ALKBH1: variants seen among roughly 807,000 people sequenced by gnomAD.
ALKBH1 encodes the protein alkB homolog 1, histone H2A dioxygenase, also known as nucleic acid dioxygenase ALKBH1.
ALKBH1 carries 31 observed loss-of-function variants against 36.6 expected under a neutral mutation model. The ratio of observed to expected loss-of-function variants is 0.85; its 90% CI spans 0.64 to 1.14. The LOEUF (loss-of-function observed/expected upper bound fraction) is 1.14. ALKBH1 is among the 50% of genes most tolerant of loss of function. The pLI is 0.00. For synonymous variants in ALKBH1, 183 were observed against 186.6 expected, an observed-to-expected ratio of 0.98 and a Z score of 0.16; for missense variants, 490 against 497.3, an observed-to-expected ratio of 0.99 and a Z score of 0.14.
At chr14:77,680,525 A>C (rs980881521) in intron 3 of ALKBH1, among the ~76,000 whole-genome samples, 2 of 152,168 alleles carry the variant, frequency 1.3e-5, no homozygotes, top group Non-Finnish European at 2.9e-5. Flanking sequence ...CATAGCTTAG[A>C]TAACTGAGGC....
intron 3 of ALKBH1, chr14:77,683,823 C>T (rs2080252527): frequency 5.9e-6 from 1 of 170,330 alleles, no homozygotes; most frequent in South Asian, 1.6e-4. Flanking sequence ...CCAAACGCCT[C>T]AGCCTCCCAA....
chr14:77,695,833 G>A (rs1363006674), intron 2 of ALKBH1, among the ~76,000 whole-genome samples: 4 of 152,050 alleles, frequency 2.6e-5, no homozygotes, highest in East Asian at 1.9e-4. Flanking sequence ...GGTGGCTCTC[G>A]CCTGTAATCC....
chr14:77,675,737 T>C lies in ALKBH1; in HGVS notation c.659A>G (p.Asn220Ser), dbSNP rs1311611521. ...CAGTGTGGAGTCCAGGCGGTAGTAA[T>C]TCAGGATCCCTGCTTCAGCTCGGAA... The part of the protein sequence containing the change: ...EDFRAEAGIL[N>S]YYRLDSTLGI... Residue 220 changes from asparagine (N) to serine (S), a missense_variant, in exon 5 of 6, where the codon AAT becomes AGT. Physicochemically the swap from Asn to Ser is conservative, Grantham distance 46. Coordinates refer to ENST00000216489, the MANE Select transcript of ALKBH1 (RefSeq NM_006020.3). 6.2e-7 allele frequency: 1 copy of C among 1,614,154 alleles called. No homozygotes were observed. The highest frequency in any genetic ancestry group is 8.5e-7 in the Non-Finnish European group (1 of 1,180,032).
chr14:77,677,709 T>C (rs2080213482), intron 4 of ALKBH1, among the ~76,000 whole-genome samples: 1 of 152,162 alleles, frequency 6.6e-6, no homozygotes, highest in South Asian at 2.1e-4. Flanking sequence ...ACTTTTCTGT[T>C]TTTCATTTTT....
Position 77,703,507 on chromosome 14 carries a change from G to A in ALKBH1, c.292+862C>T, listed in dbSNP as rs183153709. 1.9e-3 allele frequency among the ~76,000 whole-genome samples: 295 copies of A among 151,738 alleles called. 2 individuals carry two copies. The highest frequency in any genetic ancestry group is 0.018 in the Admixed American group (273 of 15,246). On this transcript the variant is annotated intron_variant, in intron 2 of 5. Coordinates refer to ENST00000216489, the MANE Select transcript of ALKBH1 (RefSeq NM_006020.3). Reference sequence around the variant, plus strand: ...AGATGGGGTTTCACCTTGTTAGCCAGGATGGTCTCAATCTCCTGACCTCGT... The same window carrying A: ...AGATGGGGTTTCACCTTGTTAGCCAAGATGGTCTCAATCTCCTGACCTCGT...
rs148071766 is a variant in ALKBH1, at chr14:77,679,109, G to A, written c.546+771C>T. Reference sequence around the variant, plus strand: ...TTGGATTACAGGAGTGAGCCACCGCGTGTGATCGGTATCCATATGTTGAAA... The same window carrying A: ...TTGGATTACAGGAGTGAGCCACCGCATGTGATCGGTATCCATATGTTGAAA... On this transcript the variant is annotated intron_variant, in intron 4 of 5. Transcript: ENST00000216489. Among the ~76,000 whole-genome samples the A allele has an allele frequency of 8.2e-3, 1,242 of 152,134 alleles. 20 individuals carry two copies. Among genetic ancestry groups the A allele is most frequent in the African/African-American group, 0.029 (1,185 of 41,494 alleles).
chr14:77,693,400 C>T (rs1181108739), intron 3 of ALKBH1, among the ~76,000 whole-genome samples: 1 of 152,008 alleles, frequency 6.6e-6, no homozygotes, highest in Non-Finnish European at 1.5e-5. Context: ...AACTAAAGTA[C>T]AAATTTCTTG....
chr14:77,686,289 G>A (rs1266472587), intron 3 of ALKBH1, among the ~76,000 whole-genome samples: 1 of 152,184 alleles, frequency 6.6e-6, no homozygotes, highest in Non-Finnish European at 1.5e-5. Flanking sequence ...GGGGTGGGTT[G>A]TTCTCTTTTT....
chr14:77,700,288 GC>G (rs2080352430), intron 2 of ALKBH1, among the ~76,000 whole-genome samples: 1 of 152,156 alleles, frequency 6.6e-6, no homozygotes, highest in East Asian at 1.9e-4. Flanking sequence ...CTAGATTCTT[GC>G]AGATATAGAA....
rs562071464 is a variant in ALKBH1 at position 77,696,823 on chromosome 14, C to T, written c.293-1923G>A. ...TGGTGGAGGGATACTCCTCTGAGGTCCAAATGGAAGTAGATGCAGATAGAA... is the reference window on the plus strand; with the variant it reads ...TGGTGGAGGGATACTCCTCTGAGGTTCAAATGGAAGTAGATGCAGATAGAA... On this transcript the variant is annotated intron_variant, in intron 2 of 5. Transcript: ENST00000216489. The T allele has an allele frequency of 1.2e-3, 179 of 152,676 alleles. 2 individuals are homozygous for T. The highest frequency in any genetic ancestry group is 7.3e-4 in the Non-Finnish European group (50 of 68,414). The allele number at this position is 152,676 out of a possible 1,614,324, so 9.5% of individuals were successfully genotyped here.
chr14:77,680,046 T>A, intron 3 of ALKBH1, 76 bp from the exon 4 acceptor site: 1 of 1,113,430 alleles, frequency 9.0e-7, no homozygotes, highest in Non-Finnish European at 1.4e-6. Flanking sequence ...ACTCTGGAGT[T>A]AAAATTTAGT....
chr14:77,682,944 G>A (rs189639852), intron 3 of ALKBH1, among the ~76,000 whole-genome samples: 310 of 152,204 alleles, frequency 2.0e-3, no homozygotes, highest in African/African-American at 7.2e-3. Flanking sequence ...TGGTCCACCC[G>A]CCTCGGCCTC....
chr14:77,704,618 A>G (rs1400504323), intron 1 of ALKBH1, 141 bp from the exon 2 acceptor site: 2 of 645,422 alleles, frequency 3.1e-6, no homozygotes, highest in Admixed American at 4.9e-5. Context: ...TCTATTGCTC[A>G]GGCGAGTGCA....
rs1379841678 is a variant in ALKBH1 at position 77,675,721 on chromosome 14, G to A, written c.675C>T (p.Asp225=). ...TGTCTACGTGGATTCCCAGTGTGGAGTCCAGGCGGTAGTAATTCAGGATCC... is the reference window on the plus strand; with the variant it reads ...TGTCTACGTGGATTCCCAGTGTGGAATCCAGGCGGTAGTAATTCAGGATCC... ...EAGILNYYRL[D]STLGIHVDRS... is the part of the protein sequence containing the mutation. The change falls in exon 5 of 6, where the codon GAC becomes GAT. Residue 225 remains aspartate (D), a synonymous_variant. Coordinates refer to ENST00000216489, the MANE Select transcript of ALKBH1 (RefSeq NM_006020.3). 1 of 1,614,140 alleles carries A rather than the reference G, an allele frequency of 6.2e-7. No homozygotes were observed. The highest frequency in any genetic ancestry group is 2.2e-5 in the East Asian group (1 of 44,878).
At chr14:77,682,013 G>C (rs950385784) in intron 3 of ALKBH1, among the ~76,000 whole-genome samples, 1 of 152,148 alleles carries the variant, frequency 6.6e-6, no homozygotes, top group Non-Finnish European at 1.5e-5. Context: ...AAATCTGTAA[G>C]TGCAACCATC....
intron 2 of ALKBH1, among the ~76,000 whole-genome samples, chr14:77,702,116 T>A (rs996824006): frequency 3.9e-5 from 6 of 152,066 alleles, no homozygotes; most frequent in Admixed American, 3.9e-4. Context: ...CTGACCAACA[T>A]GGTGAAACCC....
intron 1 of ALKBH1, among the ~76,000 whole-genome samples, chr14:77,706,632 C>T (rs1475081028): frequency 6.6e-6 from 1 of 152,204 alleles, no homozygotes; most frequent in Non-Finnish European, 1.5e-5. Flanking sequence ...GTACTAGACA[C>T]ATAATGGCTC....
intron 3 of ALKBH1, among the ~76,000 whole-genome samples, chr14:77,689,618 A>G (rs1301139740): frequency 2.0e-5 from 3 of 152,174 alleles, no homozygotes; most frequent in Admixed American, 1.3e-4. Flanking sequence ...AAGATGGGAG[A>G]GGAAGGCAAT....
chr14:77,695,163 T>C (rs11628888), intron 2 of ALKBH1, among the ~76,000 whole-genome samples: 25,110 of 152,150 alleles, frequency 0.17, 2,144 homozygotes, highest in East Asian at 0.25. Flanking sequence ...GAATTGGAAG[T>C]GGTAAAAGTA....
Sources: gnomAD v4.1 joint callset for allele counts (sites outside exome capture counted in the v4.1 genomes callset) on GRCh38, gnomAD v4.1.1 for gene constraint, MANE v1.5 for transcripts, NCBI Gene and HGNC (gene_info 2026-07-23, HGNC 2026-07-21) for gene names.